MAP3K15: variants seen among roughly 807,000 people sequenced by gnomAD.
The protein encoded by MAP3K15 is mitogen-activated protein kinase kinase kinase 15.
Under a neutral mutation model 99.5 loss-of-function variants are expected in MAP3K15, and 124 were observed. That is an observed-to-expected ratio of 1.25 (90% CI 1.08 to 1.45). MAP3K15 has a LOEUF of 1.45. MAP3K15 is among the 40% of genes most tolerant of loss of function. MAP3K15 has a pLI of 0.00. For missense variants in MAP3K15, 1,242 were observed against 1,079.7 expected (o/e 1.15, Z -2.11); for synonymous variants, 494 against 439.6 (o/e 1.12, Z -1.55).
chrX:19,425,291 G>C (rs777844945), intron 9 of MAP3K15, among the ~76,000 whole-genome samples: 27 of 111,545 alleles, frequency 2.4e-4, no homozygotes, highest in Non-Finnish European at 4.3e-4. Flanking sequence ...TAGACAACCT[G>C]CAGAAATTAA....
intron 1 of MAP3K15, among the ~76,000 whole-genome samples, chrX:19,490,254 T>C (rs960847855): frequency 9.0e-6 from 1 of 110,803 alleles, no homozygotes; most frequent in Non-Finnish European, 1.9e-5. Flanking sequence ...ATAAATGGTA[T>C]TGCATTGTAT....
rs139945358 is a variant in MAP3K15, at chrX:19,399,796, C to T, written c.1932+780G>A. On this transcript the variant is annotated intron_variant, in intron 14 of 28. Coordinates refer to ENST00000338883, the MANE Select transcript of MAP3K15 (RefSeq NM_001001671.4). ...GTTAGTAAAGGATCTCCATCAGTGT[C>T]TGATGTAACTGGCAATCAGCCTGCT... 3.1e-3 allele frequency among the ~76,000 whole-genome samples: 322 copies of T among 103,578 alleles called. 1 individual carries two copies. The highest frequency in any genetic ancestry group is 0.011 in the African/African-American group (305 of 28,612). 89.9% of individuals were successfully genotyped at this position (103,578 alleles called of 115,157 possible).
At chrX:19,378,043 T>A (rs1291762709) in intron 19 of MAP3K15, among the ~76,000 whole-genome samples, 2 of 112,292 alleles carry the variant, frequency 1.8e-5, no homozygotes, top group Non-Finnish European at 3.8e-5. Context: ...CCATTGAACA[T>A]GCTGCCCTCA....
intron 9 of MAP3K15, among the ~76,000 whole-genome samples, chrX:19,420,577 A>G (rs1349510864): frequency 6.3e-5 from 7 of 111,511 alleles, no homozygotes; most frequent in African/African-American, 1.6e-4. Context: ...GGACCAGATG[A>G]ATTCACAGCC....
At position 19,426,817 on chromosome X, in the gene MAP3K15, C is replaced by CCAAAAAAA. The variant is rs1350646918; in HGVS notation, c.1167-482_1167-475dup. Among the ~76,000 whole-genome samples, 47 of 43,525 alleles carry CCAAAAAAA rather than the reference C, an allele frequency of 1.1e-3. 3 individuals are homozygous for CCAAAAAAA. In the African/African-American group the frequency reaches 0.012, roughly 11 times the overall value. 37.8% of individuals were successfully genotyped at this position (43,525 alleles called of 115,157 possible). On this transcript the variant is annotated intron_variant, in intron 7 of 28. Transcript: ENST00000338883. ...TGGGTGACAGAGCGAGAATCTGTCTCCAAAAAAAAAAAAAAAAAAAAAAAA... is the reference window on the plus strand; with the variant it reads ...TGGGTGACAGAGCGAGAATCTGTCTCCAAAAAAACAAAAAAAAAAAAAAAAAAAAAAAA...
intron 3 of MAP3K15, among the ~76,000 whole-genome samples, chrX:19,465,081 T>C (rs144599483): frequency 0.025 from 2,746 of 110,225 alleles, 31 homozygotes; most frequent in South Asian, 0.11. Flanking sequence ...TTTGTAGAGA[T>C]TGGGGTTTTG....
chrX:19,382,290 TATAAAGAAAGTTTGGAGAAACTACC>T (rs2063464020), intron 18 of MAP3K15, among the ~76,000 whole-genome samples: 1 of 101,817 alleles, frequency 9.8e-6, no homozygotes, highest in South Asian at 4.7e-4. Context: ...GCGCACTGGC[TATAAAGAAAGTTTGGAGAAACTACC>T]TCCTGTGTCC....
rs370565981 is a variant in MAP3K15, at chrX:19,361,315, T to C, written c.3857+24A>G. ...ACACATAAAAAGTTGTATTCTCTTA[T>C]ACAAACTGTTTTGAGGCTCTTACCG... On this transcript the variant is annotated intron_variant, in intron 28 of 28. Coordinates refer to ENST00000338883, the MANE Select transcript of MAP3K15 (RefSeq NM_001001671.4). The C allele has an allele frequency of 7.2e-5, 83 of 1,155,226 alleles. No homozygotes were observed. Among genetic ancestry groups the C allele is most frequent in the Non-Finnish European group, 9.3e-5 (79 of 849,677 alleles).
chrX:19,504,148 G>A (rs772522697), intron 1 of MAP3K15, among the ~76,000 whole-genome samples: 65 of 109,040 alleles, frequency 6.0e-4, no homozygotes, highest in Admixed American at 1.1e-3. Flanking sequence ...GAGGGGGAAA[G>A]AAAGAGAAAA....
intron 12 of MAP3K15, among the ~76,000 whole-genome samples, chrX:19,409,381 G>A (rs2063670630): frequency 8.9e-6 from 1 of 111,776 alleles, no homozygotes; most frequent in Admixed American, 9.5e-5. Context: ...CTGCCAGGGT[G>A]ACAAGTGCAG....
chrX:19,362,475 T>TCTG (rs776188169), intron 26 of MAP3K15, among the ~76,000 whole-genome samples: 3 of 110,628 alleles, frequency 2.7e-5, no homozygotes, highest in Non-Finnish European at 5.7e-5. Flanking sequence ...GTTCAATTGA[T>TCTG]CTGCTAGCCT....
chrX:19,373,553 G>T lies in MAP3K15; in HGVS notation c.2916C>A (p.His972Gln), dbSNP rs750494093. The T allele has an allele frequency of 3.4e-6, 4 of 1,171,610 alleles. No individual in the cohort carries two copies. The highest frequency in any genetic ancestry group is 4.6e-6 in the Non-Finnish European group (4 of 874,962). The change falls in exon 21 of 29, where the codon CAC becomes CAA. Residue 972 changes from histidine (H) to glutamine (Q), a missense_variant. Transcript: ENST00000338883. ...GGGTGTACCTGAGGAGGTGGCCAAGGTGGTGCCTGGGCGCCCGGGTCCTCT... is the reference window on the plus strand; with the variant it reads ...GGGTGTACCTGAGGAGGTGGCCAAGTTGGTGCCTGGGCGCCCGGGTCCTCT... Reference protein sequence around the residue: ...LFERTRAPRHHLGHLLSVPDE... With the variant: ...LFERTRAPRHQLGHLLSVPDE...
At chrX:19,482,347 C>T (rs1297709444) in intron 3 of MAP3K15, 1 of 111,201 alleles carries the variant, frequency 9.0e-6, no homozygotes, top group Non-Finnish European at 1.9e-5. Flanking sequence ...AAAAATCCAT[C>T]TACTAGGGAA....
At chrX:19,469,291 C>T (rs1172495884) in intron 3 of MAP3K15, among the ~76,000 whole-genome samples, 1 of 111,528 alleles carries the variant, frequency 9.0e-6, no homozygotes, top group Non-Finnish European at 1.9e-5. Context: ...CAAAAACAAG[C>T]AATGGGGAAA....
Position 19,504,974 on chromosome X carries a change from G to C in MAP3K15, c.361+9927C>G, listed in dbSNP as rs1021454411. On this transcript the variant is annotated intron_variant, in intron 1 of 28. Transcript: ENST00000338883. ...TCCTCTCAAAAAAAAAAAAAAAAAA[G>C]CCCAGAAACAAAAGCTTGCCAAACA... Among the ~76,000 whole-genome samples, 5 of 89,870 alleles carry C rather than the reference G, an allele frequency of 5.6e-5. No individual in the cohort carries two copies. In the South Asian group the frequency reaches 2.3e-3, roughly 42 times the overall value. The allele number at this position is 89,870 out of a possible 115,157, so 78.0% of individuals were successfully genotyped here.
chrX:19,511,449 A>G (rs1486054738), intron 1 of MAP3K15, among the ~76,000 whole-genome samples: 1 of 112,345 alleles, frequency 8.9e-6, no homozygotes, highest in Non-Finnish European at 1.9e-5. Context: ...TCCAGAATCT[A>G]CAAGGAACTT....
intron 1 of MAP3K15, among the ~76,000 whole-genome samples, chrX:19,511,106 T>C (rs1159589070): frequency 2.2e-4 from 25 of 112,042 alleles, no homozygotes; most frequent in Admixed American, 2.2e-3. Flanking sequence ...CTGGGAAAAC[T>C]GGCTAGCCAT....
At chrX:19,445,416 C>T (rs1355189625) in intron 6 of MAP3K15, among the ~76,000 whole-genome samples, 1 of 104,920 alleles carries the variant, frequency 9.5e-6, no homozygotes, top group East Asian at 3.1e-4. Context: ...CATAGTGAAA[C>T]CTCGTCACTA....
chrX:19,426,916 A>T, intron 7 of MAP3K15, among the ~76,000 whole-genome samples: 1 of 109,396 alleles, frequency 9.1e-6, no homozygotes, highest in Non-Finnish European at 1.9e-5. Context: ...TTTATTATAA[A>T]AGCCTCAGGG....
Sources: gnomAD v4.1 joint callset for allele counts (sites outside exome capture counted in the v4.1 genomes callset) on GRCh38, gnomAD v4.1.1 for gene constraint, MANE v1.5 for transcripts, NCBI Gene and HGNC (gene_info 2026-07-23, HGNC 2026-07-21) for gene names.